The following PDS5B variants were observed in gnomAD, a reference collection of about 807,000 sequenced individuals.
The protein encoded by PDS5B is sister chromatid cohesion protein PDS5 homolog B.
Under a neutral mutation model 184.1 loss-of-function variants are expected in PDS5B, and 51 were observed. The observed-to-expected ratio is 0.28, with a 90% CI of 0.22 to 0.35. PDS5B has a LOEUF of 0.35. Ranked by LOEUF, PDS5B falls within the 10% of genes least tolerant of loss-of-function variation. The pLI, the probability that PDS5B is intolerant of heterozygous loss-of-function variation, is 1.00. For synonymous variants in PDS5B, 566 were observed against 569.2 expected, an observed-to-expected ratio of 0.99 and a Z score of 0.08; for missense variants, 1,180 against 1,723.3, an observed-to-expected ratio of 0.68 and a Z score of 5.58.
chr13:32,748,816 G>A (rs148136199), intron 24 of PDS5B, among the ~76,000 whole-genome samples: 1 of 152,014 alleles, frequency 6.6e-6, no homozygotes, highest in African/African-American at 2.4e-5. Flanking sequence ...ATACCTAAAA[G>A]CATGGTTTAT....
At chr13:32,606,251 C>T (rs1165254295) in intron 1 of PDS5B, among the ~76,000 whole-genome samples, 8 of 152,116 alleles carry the variant, frequency 5.3e-5, no homozygotes, top group East Asian at 1.9e-4. Context: ...AGCTCTTGTA[C>T]GGCAGGCCTG....
At position 32,651,733 on chromosome 13, in the gene PDS5B, AT is replaced by A. The variant is rs554888388; in HGVS notation, c.109-70del. ...TTTGAAGTTAACCTTAGCAATTAACATGACCTTTATTTCACATGACTGTAGT... is the reference window on the plus strand; with the variant it reads ...TTTGAAGTTAACCTTAGCAATTAACAGACCTTTATTTCACATGACTGTAGT... On this transcript the variant is annotated intron_variant, in intron 2 of 34. Coordinates refer to ENST00000315596, the MANE Select transcript of PDS5B (RefSeq NM_015032.4). The A allele has an allele frequency of 7.8e-4, 692 of 892,244 alleles. 2 individuals carry two copies. Among genetic ancestry groups the A allele is most frequent in the Non-Finnish European group, 8.0e-4 (448 of 560,380 alleles). 55.3% of individuals were successfully genotyped at this position (892,244 alleles called of 1,614,324 possible).
chr13:32,745,295 A>G (rs1328093818), intron 23 of PDS5B, among the ~76,000 whole-genome samples: 1 of 152,240 alleles, frequency 6.6e-6, no homozygotes, highest in East Asian at 1.9e-4. Context: ...CATTTCTCCA[A>G]CAAAATCCAT....
At chr13:32,671,409 T>G (rs749463033) in intron 7 of PDS5B, among the ~76,000 whole-genome samples, 3 of 152,226 alleles carry the variant, frequency 2.0e-5, no homozygotes, top group Non-Finnish European at 2.9e-5. Context: ...AGGATTATTG[T>G]TCTTTATTAA....
At chr13:32,765,975 A>G (rs1185906323) in intron 31 of PDS5B, among the ~76,000 whole-genome samples, 2 of 152,258 alleles carry the variant, frequency 1.3e-5, no homozygotes, top group Non-Finnish European at 2.9e-5. Context: ...TTGGCTGTTT[A>G]AAATTTTCAC....
chr13:32,687,813 G>T (rs1951438925), intron 12 of PDS5B, among the ~76,000 whole-genome samples: 1 of 152,108 alleles, frequency 6.6e-6, no homozygotes, highest in African/African-American at 2.4e-5. Flanking sequence ...CTTATAGTCT[G>T]AAATGATTTG....
intron 1 of PDS5B, among the ~76,000 whole-genome samples, chr13:32,644,724 C>G (rs1207083703): frequency 2.0e-5 from 3 of 152,132 alleles, no homozygotes; most frequent in East Asian, 1.9e-4. Context: ...TCACCCAATT[C>G]TTAGTTTACT....
intron 33 of PDS5B, among the ~76,000 whole-genome samples, chr13:32,772,284 G>T (rs1337263768): frequency 6.6e-6 from 1 of 152,082 alleles, no homozygotes; most frequent in East Asian, 1.9e-4. Flanking sequence ...TTGATTAGAT[G>T]GTTCTATTAC....
Position 32,609,429 on chromosome 13 carries a change from G to A in PDS5B, c.-20+22836G>A, listed in dbSNP as rs114540786. On this transcript the variant is annotated intron_variant, in intron 1 of 34. Coordinates refer to ENST00000315596, the MANE Select transcript of PDS5B (RefSeq NM_015032.4). ...AGTTATGTGCTTGTAGTTGTTATCT[G>A]TAATTACCTTCTTCCACTGCCATTC... Among the ~76,000 whole-genome samples the A allele has an allele frequency of 7.6e-3, 1,150 of 152,162 alleles. 13 individuals are homozygous for A. Among genetic ancestry groups the A allele is most frequent in the African/African-American group, 0.026 (1,085 of 41,520 alleles).
chr13:32,666,941 G>C (rs1251134559), intron 6 of PDS5B, among the ~76,000 whole-genome samples: 1 of 151,888 alleles, frequency 6.6e-6, no homozygotes, highest in Admixed American at 6.6e-5. Context: ...TACACAAGGA[G>C]ACTTGTACAA....
At chr13:32,683,201 G>A (rs890250787) in intron 10 of PDS5B, among the ~76,000 whole-genome samples, 2 of 151,880 alleles carry the variant, frequency 1.3e-5, no homozygotes, top group African/African-American at 4.8e-5. Flanking sequence ...TTTTAGTAGA[G>A]ACGAGGTTTC....
At chr13:32,631,637 T>C (rs973686313) in intron 1 of PDS5B, among the ~76,000 whole-genome samples, 1 of 152,224 alleles carries the variant, frequency 6.6e-6, no homozygotes, top group Non-Finnish European at 1.5e-5. Context: ...CAGAGCCCAA[T>C]GTTTTAGAGA....
chr13:32,699,480 T>A (rs1951804860), intron 15 of PDS5B, among the ~76,000 whole-genome samples: 1 of 152,220 alleles, frequency 6.6e-6, no homozygotes, highest in African/African-American at 2.4e-5. Context: ...AAGGGATTAC[T>A]TAGAAGTAGC....
intron 1 of PDS5B, among the ~76,000 whole-genome samples, chr13:32,632,858 C>G (rs1283591389): frequency 6.6e-6 from 1 of 151,950 alleles, no homozygotes; most frequent in Non-Finnish European, 1.5e-5. Flanking sequence ...AATCCCAGCA[C>G]TTTGGGAGGC....
intron 19 of PDS5B, among the ~76,000 whole-genome samples, chr13:32,717,834 C>T (rs1217594534): frequency 1.3e-5 from 2 of 149,432 alleles, no homozygotes; most frequent in African/African-American, 4.9e-5. Context: ...AAAGAAAGCA[C>T]TCATTTTCTT....
intron 16 of PDS5B, 80 bp downstream of exon 16, chr13:32,699,949 T>C (rs1951820242): frequency 1.6e-6 from 2 of 1,252,182 alleles, no homozygotes; most frequent in Non-Finnish European, 2.1e-6. Context: ...AAGTAATTTA[T>C]ATTCATTATA....
intron 9 of PDS5B, among the ~76,000 whole-genome samples, chr13:32,676,658 G>A (rs1273529966): frequency 3.9e-5 from 6 of 152,082 alleles, no homozygotes; most frequent in African/African-American, 9.7e-5. Context: ...CTGGCCGGGC[G>A]CGGTGGCTCA....
At chr13:32,636,778 G>T (rs1002433203) in intron 1 of PDS5B, among the ~76,000 whole-genome samples, 3 of 152,192 alleles carry the variant, frequency 2.0e-5, no homozygotes, top group Non-Finnish European at 2.9e-5. Context: ...ACACATTAGA[G>T]AATTTGTATT....
intron 19 of PDS5B, among the ~76,000 whole-genome samples, chr13:32,715,750 AC>A (rs1282760187): frequency 2.6e-5 from 4 of 151,402 alleles, no homozygotes; most frequent in African/African-American, 9.7e-5. Flanking sequence ...GCTCACTGCA[AC>A]CTCCCTGCCT....
Sources: allele counts gnomAD v4.1 joint callset (sites outside exome capture counted in the v4.1 genomes callset), GRCh38; gene constraint gnomAD v4.1.1; transcripts MANE v1.5; gene names NCBI Gene and HGNC (gene_info 2026-07-23, HGNC 2026-07-21).